CDH9: variants seen among roughly 807,000 people sequenced by gnomAD.
The protein encoded by CDH9 is cadherin 9.
A neutral mutation model predicts 70.9 loss-of-function variants in CDH9; 28 were observed. The observed-to-expected ratio is 0.40, with a 90% CI of 0.29 to 0.54. The LOEUF (loss-of-function observed/expected upper bound fraction) is 0.54, where lower values mean the gene tolerates loss of function less well. Ranked by LOEUF, CDH9 falls within the 20% of genes least tolerant of loss-of-function variation. The probability of loss-of-function intolerance (pLI) is 0.59; values close to 1 mark genes in which losing one functional copy is unlikely to be tolerated. For missense variants in CDH9, 874 were observed against 984.4 expected (o/e 0.89, Z 1.50); for synonymous variants, 409 against 343.1 (o/e 1.19, Z -2.12).
At chr5:27,021,624 A>G (rs1336691958) in intron 1 of CDH9, among the ~76,000 whole-genome samples, 3 of 151,878 alleles carry the variant, frequency 2.0e-5, no homozygotes, top group African/African-American at 4.8e-5. Flanking sequence ...AAGATTTTAT[A>G]TAACGTCAAC....
chr5:27,017,918 G>GTTT (rs34168195), intron 1 of CDH9, among the ~76,000 whole-genome samples: 103 of 151,296 alleles, frequency 6.8e-4, no homozygotes, highest in Non-Finnish European at 1.2e-3. Context: ...AGTATACATT[G>GTTT]TTTTTTTATT....
At chr5:26,946,905 G>T (rs1160967593) in intron 2 of CDH9, among the ~76,000 whole-genome samples, 1 of 152,192 alleles carries the variant, frequency 6.6e-6, no homozygotes, top group Non-Finnish European at 1.5e-5. Context: ...ACCATCAGGA[G>T]TCAGGCAAAC....
At chr5:26,954,436 G>C (rs1741906792) in intron 2 of CDH9, among the ~76,000 whole-genome samples, 1 of 107,614 alleles carries the variant, frequency 9.3e-6, no homozygotes, top group South Asian at 3.1e-4. Context: ...CCAGGCTGGA[G>C]TGCAGTGGCG....
In CDH9 at chr5:26,903,687, C is replaced by G. The variant is rs141440884; in HGVS notation, c.949G>C (p.Asp317His). The G allele has an allele frequency of 1.9e-6, 3 of 1,610,186 alleles. No individual in the cohort carries two copies. Among genetic ancestry groups the G allele is most frequent in the Non-Finnish European group, 1.7e-6 (2 of 1,176,842 alleles). Reference sequence around the variant, plus strand: ...TGTGTATCCTTGTCAGTGATGACATCGAACATGTCTGCACCATCTCCTTCA... The same window carrying G: ...TGTGTATCCTTGTCAGTGATGACATGGAACATGTCTGCACCATCTCCTTCA... ...IAEGDGADMF[D>H]VITDKDTQEG... is the part of the protein sequence containing the mutation. Residue 317 changes from aspartate to histidine, a missense_variant, in exon 6 of 12, where the codon GAT becomes CAT. Asp to His is a moderately conservative substitution (Grantham distance 81). Transcript: ENST00000231021.
At chr5:26,949,801 C>T (rs1417478436) in intron 2 of CDH9, among the ~76,000 whole-genome samples, 1 of 152,120 alleles carries the variant, frequency 6.6e-6, no homozygotes, top group Non-Finnish European at 1.5e-5. Context: ...TAGGAGACTT[C>T]CCATGGCTGG....
intron 1 of CDH9, among the ~76,000 whole-genome samples, chr5:26,997,813 C>T (rs1742692900): frequency 6.6e-6 from 1 of 152,032 alleles, no homozygotes; most frequent in Non-Finnish European, 1.5e-5. Context: ...GATCCTCCTG[C>T]CTCAGACTCT....
intron 1 of CDH9, among the ~76,000 whole-genome samples, chr5:27,017,103 T>C (rs576886351): frequency 2.6e-5 from 4 of 152,010 alleles, no homozygotes; most frequent in South Asian, 2.1e-4. Context: ...TTTGTTGTTG[T>C]TGCTGTTTGT....
At chr5:26,914,772 G>A (rs1379903282) in intron 3 of CDH9, among the ~76,000 whole-genome samples, 1 of 151,992 alleles carries the variant, frequency 6.6e-6, no homozygotes, top group African/African-American at 2.4e-5. Flanking sequence ...ATCATACACT[G>A]AAAACTGGTT....
intron 1 of CDH9, among the ~76,000 whole-genome samples, chr5:27,018,855 T>C (rs185528829): frequency 6.6e-6 from 1 of 151,974 alleles, no homozygotes. Context: ...CAGTCTGGAC[T>C]GGGGCACTAC....
At chr5:27,032,086 C>A (rs1743319378) in intron 1 of CDH9, among the ~76,000 whole-genome samples, 1 of 151,798 alleles carries the variant, frequency 6.6e-6, no homozygotes, top group East Asian at 1.9e-4. Context: ...ATATATTTAG[C>A]TGTCTATATA....
chr5:27,031,921 C>A (rs551841489), intron 1 of CDH9, among the ~76,000 whole-genome samples: 1 of 151,934 alleles, frequency 6.6e-6, no homozygotes, highest in Admixed American at 6.6e-5. Context: ...CAGAACAATT[C>A]TCTTCTTAAT....
chr5:27,001,291 G>A (rs1043206753), intron 1 of CDH9, among the ~76,000 whole-genome samples: 3 of 152,030 alleles, frequency 2.0e-5, no homozygotes, highest in African/African-American at 7.2e-5. Flanking sequence ...CAGTTTCTAA[G>A]ACTAAATGGA....
At position 26,885,828 on chromosome 5, in the gene CDH9, G is replaced by A; in HGVS notation, c.1668C>T (p.Tyr556=). Residue 556 remains tyrosine (Y), a synonymous_variant, in exon 11 of 12, where the codon TAC becomes TAT. Transcript: ENST00000231021. ...TAGIMTRKDG[Y]SRNKMSTYLL... is the part of the protein sequence containing the mutation. ...AGTAGGTGCTCATTTTGTTGCGACT[G>A]TAGCCATCTTTCCGAGTCATGATTC... 6.2e-7 allele frequency: 1 copy of A among 1,613,826 alleles called. No individual in the cohort carries two copies. Among genetic ancestry groups the A allele is most frequent in the South Asian group, 1.1e-5 (1 of 91,076 alleles).
At chr5:26,925,620 C>T (rs553879028) in intron 2 of CDH9, among the ~76,000 whole-genome samples, 7 of 152,106 alleles carry the variant, frequency 4.6e-5, no homozygotes, top group South Asian at 2.1e-4. Context: ...CTGAAGTCCT[C>T]GTCCATGCCT....
At chr5:26,905,783 C>A (rs1020215564) in intron 5 of CDH9, among the ~76,000 whole-genome samples, 176 bp downstream of exon 5, 3 of 149,568 alleles carry the variant, frequency 2.0e-5, no homozygotes, top group Admixed American at 6.8e-5. Context: ...AAAATAATCA[C>A]CATCACTCTC....
chr5:26,942,430 C>T (rs1741678457), intron 2 of CDH9, among the ~76,000 whole-genome samples: 2 of 152,258 alleles, frequency 1.3e-5, no homozygotes, highest in South Asian at 4.2e-4. Context: ...TCACAGCCCT[C>T]ATGATTTAAT....
intron 2 of CDH9, among the ~76,000 whole-genome samples, chr5:26,977,483 GTGTATATATA>G (rs1398831289): frequency 1.4e-5 from 2 of 141,524 alleles, no homozygotes; most frequent in African/African-American, 5.9e-5. Flanking sequence ...GTGTGTGTGT[GTGTATATATA>G]TATATATATA....
chr5:26,960,088 A>G (rs1464521402), intron 2 of CDH9, among the ~76,000 whole-genome samples: 1 of 151,946 alleles, frequency 6.6e-6, no homozygotes, highest in Non-Finnish European at 1.5e-5. Context: ...TTTCTCTTCT[A>G]TTATGAAATT....
At chr5:26,968,589 C>G (rs1381772782) in intron 2 of CDH9, among the ~76,000 whole-genome samples, 1 of 151,998 alleles carries the variant, frequency 6.6e-6, no homozygotes, top group Non-Finnish European at 1.5e-5. Flanking sequence ...GTTATTATCT[C>G]AAGTAAATGG....
Sources: allele counts gnomAD v4.1 joint callset (sites outside exome capture counted in the v4.1 genomes callset), GRCh38; gene constraint gnomAD v4.1.1; transcripts MANE v1.5; gene names NCBI Gene and HGNC (gene_info 2026-07-23, HGNC 2026-07-21).